Variants in ECPAS observed in about 807,000 individuals in gnomAD.
ECPAS encodes the protein Ecm29 proteasome adaptor and scaffold, also known as proteasome adapter and scaffold protein ECM29.
In ECPAS, 70 loss-of-function variants were observed where a neutral mutation model predicts 255.1. The observed-to-expected ratio is 0.27, with a 90% CI of 0.23 to 0.33. ECPAS has a LOEUF of 0.33. Ranked by LOEUF, ECPAS falls within the 10% of genes least tolerant of loss-of-function variation. ECPAS has a pLI of 1.00. For missense variants in ECPAS, 1,817 were observed against 2,206.4 expected, an observed-to-expected ratio of 0.82 and a Z score of 3.54; for synonymous variants, 784 against 775.0, an observed-to-expected ratio of 1.01 and a Z score of -0.19.
At chr9:111,464,764 T>C (rs1460470455) in intron 2 of ECPAS, among the ~76,000 whole-genome samples, 1 of 150,902 alleles carries the variant, frequency 6.6e-6, no homozygotes, top group Non-Finnish European at 1.5e-5. Context: ...TGACAATCTC[T>C]GAATGAAAAG....
chr9:111,481,414 A>G (rs1374777144), intron 1 of ECPAS, among the ~76,000 whole-genome samples: 2 of 152,148 alleles, frequency 1.3e-5, no homozygotes, highest in Non-Finnish European at 2.9e-5. Context: ...GCTGAGGCAT[A>G]AGAATGGCGT....
intron 2 of ECPAS, among the ~76,000 whole-genome samples, chr9:111,465,754 G>T (rs962037006): frequency 8.6e-5 from 13 of 151,818 alleles, no homozygotes; most frequent in Admixed American, 2.6e-4. Flanking sequence ...ATACAGGCCA[G>T]CATATGCAGT....
chr9:111,479,076 G>T (rs937975968), intron 1 of ECPAS, among the ~76,000 whole-genome samples: 1 of 152,160 alleles, frequency 6.6e-6, no homozygotes, highest in East Asian at 1.9e-4. Flanking sequence ...CTACTTTCCA[G>T]CTGCAGGACC....
intron 2 of ECPAS, among the ~76,000 whole-genome samples, chr9:111,467,366 T>G (rs988490399): frequency 6.6e-6 from 1 of 152,150 alleles, no homozygotes; most frequent in Non-Finnish European, 1.5e-5. Context: ...GAGAAAGGAT[T>G]CTATTTAAGG....
At chr9:111,451,825 T>C (rs2098260639) in intron 2 of ECPAS, among the ~76,000 whole-genome samples, 1 of 152,172 alleles carries the variant, frequency 6.6e-6, no homozygotes, top group Non-Finnish European at 1.5e-5. Flanking sequence ...TTTAACTGGA[T>C]ACTGGAAAGG....
chr9:111,389,875 G>T, intron 30 of ECPAS, 109 bp downstream of exon 30: 1 of 1,121,592 alleles, frequency 8.9e-7, no homozygotes, highest in Non-Finnish European at 1.3e-6. Context: ...TTTCTCATCA[G>T]GCACAGACTT....
intron 29 of ECPAS, among the ~76,000 whole-genome samples, chr9:111,391,078 GAAC>G (rs769260324): frequency 1.3e-5 from 2 of 152,166 alleles, no homozygotes; most frequent in Non-Finnish European, 2.9e-5. Context: ...CCTCAAAGCA[GAAC>G]AACTCCGAAA....
intron 31 of ECPAS, among the ~76,000 whole-genome samples, chr9:111,388,777 C>G (rs2098154630): frequency 6.6e-6 from 1 of 151,992 alleles, no homozygotes; most frequent in South Asian, 2.1e-4. Context: ...CTACTAGATT[C>G]AATTGGGGGT....
rs749168706 is a variant in ECPAS, at chr9:111,425,856, CAATT to C, written c.1051-32_1051-29del. 24 of 1,067,280 alleles carry C rather than the reference CAATT, an allele frequency of 2.2e-5. 1 individual carries two copies. The Middle Eastern group carries it at 7.4e-4, about 33-fold the overall frequency. 66.1% of individuals were successfully genotyped at this position (1,067,280 alleles called of 1,614,324 possible). ...ATGTAAAATGAAGAGTTGAGAACATCAATTAATAAAAATAAGAATTTAATATTTT... is the reference window on the plus strand; with the variant it reads ...ATGTAAAATGAAGAGTTGAGAACATCAATAAAAATAAGAATTTAATATTTT... On this transcript the variant is annotated intron_variant, in intron 10 of 49. Coordinates refer to ENST00000684092, the MANE Select transcript of ECPAS (RefSeq NM_001364929.1).
In ECPAS at chr9:111,419,586, T is replaced by C. The variant is rs1480839876; in HGVS notation, c.1559+431A>G. ...GCAACTTATACCTCATTTAAAAATA[T>C]ATTAGATATAAAATGATACTCCATA... On this transcript the variant is annotated intron_variant, in intron 16 of 49. Coordinates refer to ENST00000684092, the MANE Select transcript of ECPAS (RefSeq NM_001364929.1). 2.0e-5 allele frequency among the ~76,000 whole-genome samples: 3 copies of C among 151,940 alleles called. No individual in the cohort carries two copies. The East Asian group carries it at 5.8e-4, about 29-fold the overall frequency.
chr9:111,431,687 T>C (rs2098230272), intron 8 of ECPAS, among the ~76,000 whole-genome samples: 1 of 152,172 alleles, frequency 6.6e-6, no homozygotes, highest in Non-Finnish European at 1.5e-5. Context: ...CCATACTATA[T>C]TCTCTCTGCC....
intron 12 of ECPAS, among the ~76,000 whole-genome samples, chr9:111,424,987 G>C (rs563582121): frequency 1.3e-5 from 2 of 152,148 alleles, no homozygotes; most frequent in Admixed American, 6.5e-5. Flanking sequence ...CTGGCCTTGA[G>C]ACGGCCAGTA....
intron 1 of ECPAS, among the ~76,000 whole-genome samples, chr9:111,481,400 G>A (rs1234047089): frequency 6.6e-6 from 1 of 152,180 alleles, no homozygotes; most frequent in Non-Finnish European, 1.5e-5. Context: ...CAGCTACTCG[G>A]AGGGCTGAGG....
At chr9:111,421,409 A>G (rs1020916749) in intron 15 of ECPAS, among the ~76,000 whole-genome samples, 167 of 143,436 alleles carry the variant, frequency 1.2e-3, no homozygotes, top group African/African-American at 3.0e-3. Context: ...TATTACATAT[A>G]TGTGTGTGTG....
chr9:111,464,377 T>C (rs573753738), intron 2 of ECPAS, among the ~76,000 whole-genome samples: 1 of 149,460 alleles, frequency 6.7e-6, no homozygotes, highest in South Asian at 2.1e-4. Context: ...CTGCAATGAG[T>C]TGTGATCGTG....
At chr9:111,381,358 C>T (rs2098140353) in intron 35 of ECPAS, among the ~76,000 whole-genome samples, 2 of 152,190 alleles carry the variant, frequency 1.3e-5, no homozygotes, top group Non-Finnish European at 2.9e-5. Flanking sequence ...CAATTAAGTT[C>T]ACCATCTTAA....
chr9:111,454,034 A>C (rs914361729), intron 2 of ECPAS, among the ~76,000 whole-genome samples: 1 of 152,190 alleles, frequency 6.6e-6, no homozygotes, highest in African/African-American at 2.4e-5. Flanking sequence ...AGAAAGGCTC[A>C]ATCTGAGACT....
intron 43 of ECPAS, 120 bp downstream of exon 43, chr9:111,371,501 G>C (rs922481839): frequency 1.0e-6 from 1 of 959,358 alleles, no homozygotes; most frequent in Admixed American, 2.0e-5. Flanking sequence ...CCACTGTCTA[G>C]GAAATCTAGT....
At chr9:111,401,076 C>CA (rs2098175235) in intron 24 of ECPAS, among the ~76,000 whole-genome samples, 1 of 152,130 alleles carries the variant, frequency 6.6e-6, no homozygotes, top group African/African-American at 2.4e-5. Context: ...AGAAACCTTA[C>CA]AGGCCAGGAG....
Sources: gnomAD v4.1 joint callset for allele counts (sites outside exome capture counted in the v4.1 genomes callset) on GRCh38, gnomAD v4.1.1 for gene constraint, MANE v1.5 for transcripts, NCBI Gene and HGNC (gene_info 2026-07-23, HGNC 2026-07-21) for gene names.